ANK1: variants seen among roughly 807,000 people sequenced by gnomAD.
The protein encoded by ANK1 is ankyrin 1.
ANK1 carries 51 observed loss-of-function variants against 210.4 expected under a neutral mutation model. The observed-to-expected ratio is 0.24, with a 90% CI of 0.19 to 0.31. ANK1 has a LOEUF of 0.31. Among genes scored for constraint, ANK1 ranks in the 10% least tolerant of loss-of-function variants. The probability of loss-of-function intolerance (pLI) is 1.00; values close to 1 mark genes in which losing one functional copy is unlikely to be tolerated. For missense variants in ANK1, 2,051 were observed against 2,504.4 expected (o/e 0.82, Z 3.86); for synonymous variants, 967 against 1,025.9 (o/e 0.94, Z 1.10).
chr8:41,685,419 C>T (rs1170682539), intron 36 of ANK1, among the ~76,000 whole-genome samples: 1 of 152,142 alleles, frequency 6.6e-6, no homozygotes, highest in Non-Finnish European at 1.5e-5. Context: ...GTCTGGGAAA[C>T]TGGTTGAGGA....
intron 38 of ANK1, among the ~76,000 whole-genome samples, chr8:41,670,808 G>T (rs1180899839): frequency 1.3e-5 from 2 of 152,218 alleles, no homozygotes; most frequent in Admixed American, 1.3e-4. Context: ...GCTCCTTGGG[G>T]TGGGGGCCTG....
chr8:41,665,040 G>A (rs369972773), intron 39 of ANK1: 149 of 1,611,752 alleles, frequency 9.2e-5, no homozygotes, highest in Non-Finnish European at 1.2e-4. Flanking sequence ...CTCCTCACCA[G>A]CCCGGTCCTC....
At position 41,695,463 on chromosome 8, in the gene ANK1, G is replaced by A. The variant is rs1820624924; in HGVS notation, c.2961-132C>T. 28 of 1,283,846 alleles carry A rather than the reference G, an allele frequency of 2.2e-5. No individual in the cohort carries two copies. The South Asian group carries it at 3.4e-4, about 16-fold the overall frequency. The allele number at this position is 1,283,846 out of a possible 1,614,324, so 79.5% of individuals were successfully genotyped here. On this transcript the variant is annotated intron_variant, in intron 26 of 42. Transcript: ENST00000289734. ...CAGCCACGTGGAGGCCCCACCTGCA[G>A]GCAGGTCTCTAAGTGGACCAGACCC...
chr8:41,785,965 G>A (rs923356384), intron 1 of ANK1, among the ~76,000 whole-genome samples: 1 of 152,154 alleles, frequency 6.6e-6, no homozygotes, highest in Non-Finnish European at 1.5e-5. Flanking sequence ...GAACCCTCCC[G>A]CGTCTCTTCT....
intron 10 of ANK1, among the ~76,000 whole-genome samples, chr8:41,718,536 G>A (rs1292538747): frequency 6.6e-6 from 1 of 152,190 alleles, no homozygotes; most frequent in Non-Finnish European, 1.5e-5. Context: ...CAATAAAAGA[G>A]TACTTTTGTG....
rs75833344 is a variant in ANK1 at position 41,794,807 on chromosome 8, C to T, written c.27+2705G>A. ...GCAACCTCCACCTCCCAGGTTCAAG[C>T]GATTCTCCTGCCTCAGCCTCCTAAG... On this transcript the variant is annotated intron_variant, in intron 1 of 42. Transcript: ENST00000289734. 3.9e-4 allele frequency among the ~76,000 whole-genome samples: 60 copies of T among 152,260 alleles called. 1 individual carries two copies. The East Asian group carries it at 9.3e-3, about 24-fold the overall frequency.
rs753155577 is a variant in ANK1 at position 41,727,863 on chromosome 8, CT to C, written c.327+44del. ...CGAGGGAGCAGCAAAGAGGAACCAC[CT>C]GTGGAAAGGCAACACCCTCTAGTCC... On this transcript the variant is annotated intron_variant, in intron 4 of 42. Transcript: ENST00000289734. The C allele has an allele frequency of 8.2e-6, 13 of 1,594,700 alleles. No homozygotes were observed. The Admixed American group carries it at 1.8e-4, about 22-fold the overall frequency.
At chr8:41,725,437 G>A (rs1319052975) in intron 6 of ANK1, among the ~76,000 whole-genome samples, 1 of 152,170 alleles carries the variant, frequency 6.6e-6, no homozygotes, top group Non-Finnish European at 1.5e-5. Context: ...GGCAGCCGGG[G>A]AGGAGAGATG....
intron 1 of ANK1, among the ~76,000 whole-genome samples, chr8:41,827,974 C>T (rs924383656): frequency 6.6e-6 from 1 of 152,024 alleles, no homozygotes; most frequent in African/African-American, 2.4e-5. Flanking sequence ...CCCCCGCCCC[C>T]CAACCCCCGA....
chr8:41,666,841 A>G (rs887201163), intron 39 of ANK1, among the ~76,000 whole-genome samples: 6 of 151,898 alleles, frequency 4.0e-5, no homozygotes, highest in Non-Finnish European at 8.8e-5. Flanking sequence ...AGGGATCTGG[A>G]CCCTCCTGGT....
At position 41,717,618 on chromosome 8, in the gene ANK1, T is replaced by C; in HGVS notation, c.1291A>G (p.Asn431Asp). ...KNLLQRGASP[N>D]VSNVKVETPL... ...TGAGGGCTTACCACGTTGGAGACGT[T>C]GGGCGACGCCCCCCGCTGCAGGAGG... The change falls in exon 12 of 43, where the codon AAC (asparagine) becomes GAC (aspartate). Residue 431 changes from asparagine (N) to aspartate (D), a missense_variant. By Grantham distance (23) the Asn-to-Asp change is conservative. Transcript: ENST00000289734. 6.4e-7 allele frequency: 1 copy of C among 1,551,454 alleles called. No homozygotes were observed. Among genetic ancestry groups the C allele is most frequent in the Non-Finnish European group, 8.7e-7 (1 of 1,146,966 alleles).
rs186716168 is a variant in ANK1 at position 41,771,975 on chromosome 8, G to C, written c.28-13838C>G. On this transcript the variant is annotated intron_variant, in intron 1 of 42. Coordinates refer to ENST00000289734, the MANE Select transcript of ANK1 (RefSeq NM_000037.4). ...GCGAGTGGGATTCTCAGGCGACTCT[G>C]CCTCCCCAGGATGATTTGGGAGAAC... is the stretch of plus-strand genomic sequence containing the variant. Among the ~76,000 whole-genome samples the C allele has an allele frequency of 2.1e-3, 326 of 152,238 alleles. 2 individuals carry two copies. Among genetic ancestry groups the C allele is most frequent in the Non-Finnish European group, 7.1e-4 (48 of 68,024 alleles).
chr8:41,734,236 C>T (rs1177924876), intron 2 of ANK1, among the ~76,000 whole-genome samples, 167 bp from the exon 3 acceptor site: 1 of 152,204 alleles, frequency 6.6e-6, no homozygotes, highest in Admixed American at 6.5e-5. Flanking sequence ...GGCCACCCAG[C>T]CTCCCCTTCA....
At chr8:41,701,124 G>A (rs1822658425) in intron 22 of ANK1, among the ~76,000 whole-genome samples, 1 of 152,162 alleles carries the variant, frequency 6.6e-6, no homozygotes, top group Non-Finnish European at 1.5e-5. Context: ...GACCCACTAT[G>A]TGGTCAGAAG....
Position 41,699,085 on chromosome 8 carries a change from C to T in ANK1, c.2558+367G>A, listed in dbSNP as rs1396777782. On this transcript the variant is annotated intron_variant, in intron 23 of 42. Coordinates refer to ENST00000289734, the MANE Select transcript of ANK1 (RefSeq NM_000037.4). ...AAGTACTGGGATTACAGGTGTGAGC[C>T]ACCGCACCCGGCCATCTTCTTCAAC... is the stretch of plus-strand genomic sequence containing the variant. Among the ~76,000 whole-genome samples, 4 of 152,118 alleles carry T rather than the reference C, an allele frequency of 2.6e-5. No individual in the cohort carries two copies. In the South Asian group the frequency reaches 6.2e-4, roughly 24 times the overall value.
chr8:41,826,249 A>G (rs1805350760), intron 1 of ANK1, among the ~76,000 whole-genome samples: 1 of 152,058 alleles, frequency 6.6e-6, no homozygotes, highest in South Asian at 2.1e-4. Flanking sequence ...ACTCTGGCCC[A>G]TTGCTGATTG....
intron 1 of ANK1, 79 bp from the exon 2 acceptor site, chr8:41,758,216 G>T (rs1468036091): frequency 9.3e-6 from 12 of 1,286,642 alleles, no homozygotes; most frequent in Non-Finnish European, 1.2e-5. Flanking sequence ...CCAGGCCCCC[G>T]CAGCAGCCCC....
chr8:41,687,979 C>A (rs1049187731), intron 35 of ANK1, among the ~76,000 whole-genome samples, 177 bp downstream of exon 35: 4 of 152,210 alleles, frequency 2.6e-5, no homozygotes, highest in Non-Finnish European at 5.9e-5. Context: ...GGGGGCTCCC[C>A]CTTCATGGGC....
At chr8:41,688,329 G>T in intron 34 of ANK1, 99 bp from the exon 35 acceptor site, 1 of 1,455,906 alleles carries the variant, frequency 6.9e-7, no homozygotes, top group East Asian at 2.3e-5. Context: ...CGTGTGCACT[G>T]GGGTGATTGT....
Sources: allele counts gnomAD v4.1 joint callset (sites outside exome capture counted in the v4.1 genomes callset), GRCh38; gene constraint gnomAD v4.1.1; transcripts MANE v1.5; gene names NCBI Gene and HGNC (gene_info 2026-07-23, HGNC 2026-07-21).